The following NUP93 variants were observed in gnomAD, a reference collection of about 807,000 sequenced individuals.
NUP93 encodes nucleoporin 93, also known as nuclear pore complex protein Nup93.
Under a neutral mutation model 107.8 loss-of-function variants are expected in NUP93, and 55 were observed. That is an observed-to-expected ratio of 0.51 (90% CI 0.41 to 0.64). The LOEUF (loss-of-function observed/expected upper bound fraction) is 0.64, where lower values mean the gene tolerates loss of function less well. Among genes scored for constraint, NUP93 ranks in the 30% least tolerant of loss-of-function variants. NUP93 has a pLI of 0.00. For synonymous variants in NUP93, 390 were observed against 397.5 expected (o/e 0.98, Z 0.22); for missense variants, 937 against 1,044.7 (o/e 0.90, Z 1.42).
chr16:56,805,484 T>G lies in NUP93; in HGVS notation c.361-20T>G. 6.2e-7 allele frequency: 1 copy of G among 1,613,338 alleles called. No individual in the cohort carries two copies. The highest frequency in any genetic ancestry group is 1.1e-5 in the South Asian group (1 of 91,022). On this transcript the variant is annotated intron_variant, in intron 4 of 21. Coordinates refer to ENST00000308159, the MANE Select transcript of NUP93 (RefSeq NM_014669.5). ...TTGTTTTTTTCCTGAGGGTCATTGT[T>G]CTCTGTTCCTTTCTGGCAGACCTTC...
At chr16:56,800,548 T>C (rs1962998476) in intron 4 of NUP93, among the ~76,000 whole-genome samples, 1 of 152,196 alleles carries the variant, frequency 6.6e-6, no homozygotes, top group African/African-American at 2.4e-5. Context: ...GAGGGAGGCA[T>C]TCCAGTGTTG....
At chr16:56,741,833 C>T (rs1961745537) in intron 1 of NUP93, 2 of 152,188 alleles carry the variant, frequency 1.3e-5, no homozygotes, top group African/African-American at 4.8e-5. Context: ...TTACTACATA[C>T]ATTTTACTAA....
chr16:56,788,037 T>C (rs79530294), intron 3 of NUP93, among the ~76,000 whole-genome samples: 2 of 152,214 alleles, frequency 1.3e-5, no homozygotes, highest in African/African-American at 2.4e-5. Flanking sequence ...TCCTCTCTTT[T>C]CTTGCGTCTC....
rs545187600 is a variant in NUP93 at position 56,835,789 on chromosome 16, C to T, written c.1783-812C>T. ...TAAGGCCTCTCTCATGCTCTCCTGACCATTTAGTTGCTGTTGAGTGGTGAT... is the reference window on the plus strand; with the variant it reads ...TAAGGCCTCTCTCATGCTCTCCTGATCATTTAGTTGCTGTTGAGTGGTGAT... On this transcript the variant is annotated intron_variant, in intron 16 of 21. Coordinates refer to ENST00000308159, the MANE Select transcript of NUP93 (RefSeq NM_014669.5). Among the ~76,000 whole-genome samples the T allele has an allele frequency of 3.9e-5, 6 of 152,240 alleles. No homozygotes were observed. The South Asian group carries it at 1.2e-3, about 32-fold the overall frequency.
chr16:56,754,368 C>A (rs943793769), intron 2 of NUP93, among the ~76,000 whole-genome samples: 92 of 152,318 alleles, frequency 6.0e-4, no homozygotes, highest in African/African-American at 2.1e-3. Context: ...AAAGCACAGT[C>A]ATGGCTTCCA....
In NUP93 at chr16:56,748,287, G is replaced by C. The variant is rs528073782; in HGVS notation, c.40G>C (p.Glu14Gln). ...EGFGELLQQA[E>Q]QLAAETEGIS... ...GTTTGGTGAGCTCCTTCAGCAAGCT[G>C]AACAGCTTGCTGCTGAGACTGAGGG... is the stretch of plus-strand genomic sequence containing the variant. Residue 14 changes from glutamate (E) to glutamine (Q), a missense_variant, in exon 2 of 22, where the codon GAA becomes CAA. Coordinates refer to ENST00000308159, the MANE Select transcript of NUP93 (RefSeq NM_014669.5). 6.2e-7 allele frequency: 1 copy of C among 1,613,834 alleles called. No homozygotes were observed. Among genetic ancestry groups the C allele is most frequent in the Non-Finnish European group, 8.5e-7 (1 of 1,179,844 alleles).
intron 5 of NUP93, among the ~76,000 whole-genome samples, chr16:56,814,795 T>C (rs1963386693): frequency 6.6e-6 from 1 of 152,234 alleles, no homozygotes; most frequent in Non-Finnish European, 1.5e-5. Flanking sequence ...TTTTGGTCTC[T>C]GGCTCCCTGC....
At position 56,836,623 on chromosome 16, in the gene NUP93, C is replaced by T; in HGVS notation, c.1805C>T (p.Thr602Ile). The change falls in exon 17 of 22, where the codon ACT (threonine) becomes ATT (isoleucine). Residue 602 changes from threonine to isoleucine, a missense_variant. Thr to Ile is a moderately conservative substitution (Grantham distance 89). Coordinates refer to ENST00000308159, the MANE Select transcript of NUP93 (RefSeq NM_014669.5). ...CAGCCTGGAGTCATAGATAAGTTTA[C>T]TAGTGACACAAAGCCTATTATCAAC... ...SRKPGVIDKFTSDTKPIINKV... is the reference protein window; with the variant it reads ...SRKPGVIDKFISDTKPIINKV... The T allele has an allele frequency of 1.2e-6, 2 of 1,612,604 alleles. No individual in the cohort carries two copies. Among genetic ancestry groups the T allele is most frequent in the South Asian group, 2.2e-5 (2 of 91,022 alleles).
chr16:56,760,748 G>A (rs1962110629), intron 3 of NUP93, among the ~76,000 whole-genome samples: 1 of 152,134 alleles, frequency 6.6e-6, no homozygotes, highest in South Asian at 2.1e-4. Flanking sequence ...ATGAGATTTG[G>A]CAGAGACATG....
chr16:56,730,570 G>A (rs753941236), intron 1 of NUP93, among the ~76,000 whole-genome samples: 8 of 152,084 alleles, frequency 5.3e-5, no homozygotes, highest in Non-Finnish European at 1.2e-4. Context: ...ACAACGCCCC[G>A]CCTGCTTACC....
At chr16:56,767,613 G>A (rs1436915340) in intron 3 of NUP93, among the ~76,000 whole-genome samples, 1 of 152,162 alleles carries the variant, frequency 6.6e-6, no homozygotes, top group African/African-American at 2.4e-5. Flanking sequence ...CTTAGGGACA[G>A]GTAGAAACCG....
Position 56,792,706 on chromosome 16 carries a change from A to C in NUP93, c.298-5770A>C, listed in dbSNP as rs112274370. Among the ~76,000 whole-genome samples, 682 of 152,356 alleles carry C rather than the reference A, an allele frequency of 4.5e-3. 6 individuals are homozygous for C. The highest frequency in any genetic ancestry group is 0.016 in the African/African-American group (658 of 41,574). On this transcript the variant is annotated intron_variant, in intron 3 of 21. Coordinates refer to ENST00000308159, the MANE Select transcript of NUP93 (RefSeq NM_014669.5). The stretch of plus-strand genomic sequence containing the variant: ...AGTGATCACCATTTAAGTGTTAGCT[A>C]TTATTAGTATGCCATAAGCATACTC...
chr16:56,759,673 A>G (rs554496123), intron 3 of NUP93, among the ~76,000 whole-genome samples: 1 of 152,188 alleles, frequency 6.6e-6, no homozygotes, highest in Admixed American at 6.5e-5. Flanking sequence ...TTGAAATGGC[A>G]TGTATACTTT....
intron 8 of NUP93, among the ~76,000 whole-genome samples, chr16:56,828,194 T>TAA (rs34184189): frequency 0.53 from 59,359 of 112,748 alleles, 15,358 homozygotes; most frequent in East Asian, 0.74. Context: ...CCCTGCCTCT[T>TAA]AAAAAAAAAA....
chr16:56,744,169 C>G (rs1184907155), intron 1 of NUP93, among the ~76,000 whole-genome samples: 1 of 152,154 alleles, frequency 6.6e-6, no homozygotes, highest in Non-Finnish European at 1.5e-5. Flanking sequence ...CAGCTGGTGT[C>G]CAGGCTACAT....
At chr16:56,757,477 A>AGACCC (rs1409458936) in intron 2 of NUP93, among the ~76,000 whole-genome samples, 1 of 152,164 alleles carries the variant, frequency 6.6e-6, no homozygotes. Context: ...AGACCAGACT[A>AGACCC]GACCCGACCC....
chr16:56,749,341 G>A (rs1277776382), intron 2 of NUP93, among the ~76,000 whole-genome samples: 15 of 152,188 alleles, frequency 9.9e-5, no homozygotes, highest in African/African-American at 3.1e-4. Context: ...GAGCAACAAA[G>A]GCTCAGAGAA....
intron 3 of NUP93, among the ~76,000 whole-genome samples, chr16:56,768,302 G>T (rs538599003): frequency 4.0e-4 from 61 of 152,282 alleles, no homozygotes; most frequent in African/African-American, 1.4e-3. Flanking sequence ...AGTGGCTCAC[G>T]CCTGTAATCC....
chr16:56,782,932 C>CT, intron 3 of NUP93, among the ~76,000 whole-genome samples: 1 of 152,128 alleles, frequency 6.6e-6, no homozygotes, highest in South Asian at 2.1e-4. Context: ...CATAGGAGTC[C>CT]TTTAAGTATA....
Sources: gnomAD v4.1 joint callset for allele counts (sites outside exome capture counted in the v4.1 genomes callset) on GRCh38, gnomAD v4.1.1 for gene constraint, MANE v1.5 for transcripts, NCBI Gene and HGNC (gene_info 2026-07-23, HGNC 2026-07-21) for gene names.